ROBO2: variants seen among roughly 807,000 people sequenced by gnomAD.
ROBO2 encodes roundabout guidance receptor 2.
Under a neutral mutation model 160.8 loss-of-function variants are expected in ROBO2, and 53 were observed. The observed-to-expected ratio is 0.33, with a 90% confidence interval of 0.26 to 0.41. The LOEUF is 0.41. ROBO2 is among the 10% of genes least tolerant of loss of function. ROBO2 has a pLI of 1.00. For synonymous variants in ROBO2, 664 were observed against 611.7 expected (o/e 1.09, Z -1.26); for missense variants, 1,577 against 1,722.4 (o/e 0.92, Z 1.49).
intron 2 of ROBO2, among the ~76,000 whole-genome samples, chr3:77,019,738 A>C (rs927782906): frequency 6.6e-6 from 1 of 151,992 alleles, no homozygotes; most frequent in African/African-American, 2.4e-5. Flanking sequence ...TTCCTCTGCA[A>C]GTATTTGTAA....
chr3:76,291,276 G>A (rs558150180), intron 2 of ROBO2, among the ~76,000 whole-genome samples: 152 of 152,172 alleles, frequency 1.0e-3, no homozygotes, highest in African/African-American at 3.5e-3. Context: ...AATTTTGGGA[G>A]CTTGCATGTT....
In ROBO2 at chr3:76,476,353, C is replaced by T. The variant is rs75207120; in HGVS notation, c.109+538751C>T. On this transcript the variant is annotated intron_variant, in intron 2 of 26. Coordinates refer to the ROBO2 transcript ENST00000487694. ...TCAGCTGTACTCAAGCTGTTTCTCT[C>T]TTCCCTTTTTGGATTTTTATGGATC... Among the ~76,000 whole-genome samples the T allele has an allele frequency of 6.3e-3, 961 of 152,186 alleles. 12 individuals are homozygous for T. Among genetic ancestry groups the T allele is most frequent in the African/African-American group, 0.021 (866 of 41,518 alleles).
chr3:76,093,221 C>T (rs1425345222), intron 2 of ROBO2, among the ~76,000 whole-genome samples: 1 of 151,960 alleles, frequency 6.6e-6, no homozygotes, highest in Non-Finnish European at 1.5e-5. Flanking sequence ...CAGTCCCTGA[C>T]ATTAACACCA....
chr3:76,185,234 T>C (rs762050419), intron 2 of ROBO2, among the ~76,000 whole-genome samples: 6 of 21,772 alleles, frequency 2.8e-4, no homozygotes, highest in Non-Finnish European at 8.2e-4. Flanking sequence ...AAAGATGTTA[T>C]ATATACATAT....
intron 2 of ROBO2, among the ~76,000 whole-genome samples, chr3:77,147,410 A>G (rs2077207136): frequency 6.6e-6 from 1 of 152,182 alleles, no homozygotes; most frequent in African/African-American, 2.4e-5. Flanking sequence ...TGTTATATAA[A>G]CATCAGATAT....
At chr3:76,674,819 C>T (rs72888341) in intron 2 of ROBO2, among the ~76,000 whole-genome samples, 5,351 of 152,162 alleles carry the variant, frequency 0.035, 329 homozygotes, top group African/African-American at 0.12. Context: ...GCCTTCACAC[C>T]TAGGCTTTGT....
intron 2 of ROBO2, among the ~76,000 whole-genome samples, chr3:76,152,145 TC>T (rs1001320082): frequency 6.6e-6 from 1 of 152,166 alleles, no homozygotes; most frequent in Non-Finnish European, 1.5e-5. Flanking sequence ...TTAATGCACT[TC>T]CAGGGTTATG....
At chr3:76,771,145 C>G (rs1055692703) in intron 2 of ROBO2, among the ~76,000 whole-genome samples, 6 of 151,304 alleles carry the variant, frequency 4.0e-5, no homozygotes, top group Non-Finnish European at 7.4e-5. Context: ...GTGGTGGCTA[C>G]TACCCATATG....
chr3:75,971,865 T>C (rs1481417892), intron 2 of ROBO2, among the ~76,000 whole-genome samples: 4 of 151,540 alleles, frequency 2.6e-5, no homozygotes, highest in Non-Finnish European at 5.9e-5. Flanking sequence ...TTCCATTAAT[T>C]AGAAAACATT....
intron 2 of ROBO2, among the ~76,000 whole-genome samples, chr3:76,357,293 G>A (rs1045825231): frequency 1.3e-5 from 2 of 151,930 alleles, no homozygotes; most frequent in African/African-American, 4.8e-5. Context: ...AAAACACTGA[G>A]CACACATGAA....
intron 2 of ROBO2, among the ~76,000 whole-genome samples, chr3:76,918,204 G>C (rs146245726): frequency 6.6e-5 from 10 of 152,296 alleles, no homozygotes; most frequent in African/African-American, 2.2e-4. Flanking sequence ...GTGGGACCAC[G>C]TGCCGGTCAT....
intron 2 of ROBO2, among the ~76,000 whole-genome samples, chr3:77,265,456 C>T (rs931247206): frequency 3.3e-5 from 5 of 152,056 alleles, no homozygotes; most frequent in African/African-American, 7.2e-5. Context: ...TGCATCATTG[C>T]CTGCTTTTCT....
intron 2 of ROBO2, among the ~76,000 whole-genome samples, chr3:76,162,225 T>C (rs1381719422): frequency 6.6e-6 from 1 of 152,228 alleles, no homozygotes; most frequent in African/African-American, 2.4e-5. Flanking sequence ...CCATACAGCA[T>C]ATCAGTTAAG....
intron 2 of ROBO2, among the ~76,000 whole-genome samples, chr3:77,157,923 C>T (rs1407101022): frequency 6.6e-6 from 1 of 151,908 alleles, no homozygotes; most frequent in Middle Eastern, 3.2e-3. Context: ...TGAATACGGC[C>T]CTGATTGTCC....
chr3:77,644,934 C>T, intron 25 of ROBO2, 30 bp downstream of exon 27: 6 of 1,600,104 alleles, frequency 3.7e-6, no homozygotes, highest in Middle Eastern at 1.7e-4. Flanking sequence ...AAAAGGCTAT[C>T]GTGATTCAGA....
At chr3:76,661,608 T>G (rs2091824542) in intron 2 of ROBO2, among the ~76,000 whole-genome samples, 1 of 152,104 alleles carries the variant, frequency 6.6e-6, no homozygotes, top group African/African-American at 2.4e-5. Flanking sequence ...AGGTCATAGG[T>G]GGACTCAGAA....
At chr3:75,982,912 A>G (rs565737623) in intron 2 of ROBO2, among the ~76,000 whole-genome samples, 1 of 151,478 alleles carries the variant, frequency 6.6e-6, no homozygotes, top group East Asian at 1.9e-4. Flanking sequence ...AAATGATAAA[A>G]TTAGCTTACT....
At chr3:77,417,028 G>A (rs2077291125) in intron 2 of ROBO2, among the ~76,000 whole-genome samples, 1 of 152,012 alleles carries the variant, frequency 6.6e-6, no homozygotes, top group Non-Finnish European at 1.5e-5. Context: ...CTAAAGTCTA[G>A]GATTTGTTTC....
intron 2 of ROBO2, among the ~76,000 whole-genome samples, chr3:76,637,165 G>A (rs1031429560): frequency 2.6e-5 from 4 of 152,208 alleles, no homozygotes; most frequent in East Asian, 1.9e-4. Context: ...TGTTCACAAC[G>A]TTCACAACAG....
Sources: allele counts gnomAD v4.1 joint callset (sites outside exome capture counted in the v4.1 genomes callset), GRCh38; gene constraint gnomAD v4.1.1; transcripts MANE v1.5; gene names NCBI Gene and HGNC (gene_info 2026-07-23, HGNC 2026-07-21).